ZFPM2: variants seen among roughly 807,000 people sequenced by gnomAD.
ZFPM2 encodes zinc finger protein ZFPM2.
Under a neutral mutation model 98.6 loss-of-function variants are expected in ZFPM2, and 20 were observed. The ratio of observed to expected loss-of-function variants is 0.20; its 90% CI spans 0.14 to 0.29. The LOEUF is 0.29. ZFPM2 is among the 10% of genes least tolerant of loss of function. ZFPM2 has a pLI of 1.00. For missense variants in ZFPM2, 1,310 were observed against 1,388.6 expected (o/e 0.94, Z 0.90); for synonymous variants, 518 against 502.7 (o/e 1.03, Z -0.41).
At chr8:105,655,180 G>GACTC (rs1817258283) in intron 5 of ZFPM2, among the ~76,000 whole-genome samples, 1 of 149,010 alleles carries the variant, frequency 6.7e-6, no homozygotes, top group South Asian at 2.1e-4. Flanking sequence ...TTATTTCATC[G>GACTC]ACTCACAATT....
intron 1 of ZFPM2, among the ~76,000 whole-genome samples, chr8:105,327,146 A>T (rs1812130110): frequency 6.6e-6 from 1 of 151,448 alleles, no homozygotes; most frequent in South Asian, 2.1e-4. Flanking sequence ...TTGAGAGAGA[A>T]AAAAAGATTT....
chr8:105,577,789 AGTG>A (rs1322064064), intron 4 of ZFPM2, among the ~76,000 whole-genome samples: 6 of 151,046 alleles, frequency 4.0e-5, no homozygotes, highest in African/African-American at 9.7e-5. Flanking sequence ...AAAAAAAAAA[AGTG>A]AGAAATGAAA....
At chr8:105,583,837 T>G (rs1263820508) in intron 4 of ZFPM2, among the ~76,000 whole-genome samples, 1 of 152,204 alleles carries the variant, frequency 6.6e-6, no homozygotes, top group Non-Finnish European at 1.5e-5. Flanking sequence ...TACTCTGAAC[T>G]GAACCTGTCA....
rs568126288 is a variant in ZFPM2, at chr8:105,651,773, TA to T, written c.532+17418del. Among the ~76,000 whole-genome samples, 50 of 152,288 alleles carry T rather than the reference TA, an allele frequency of 3.3e-4. No individual in the cohort carries two copies. In the East Asian group the frequency reaches 7.7e-3, roughly 24 times the overall value. ...ACCCACTGAATTTTGAATTATTATG[TA>T]ATGAGATTTATTATGCATCATTCAA... On this transcript the variant is annotated intron_variant, in intron 5 of 7. Transcript: ENST00000407775.
chr8:105,320,185 T>A (rs985472237), intron 1 of ZFPM2, among the ~76,000 whole-genome samples: 2 of 151,972 alleles, frequency 1.3e-5, no homozygotes, highest in African/African-American at 4.8e-5. Flanking sequence ...AAAATAAATC[T>A]TATCAATCAA....
intron 3 of ZFPM2, among the ~76,000 whole-genome samples, chr8:105,524,760 G>C (rs1814138572): frequency 6.6e-6 from 1 of 152,040 alleles, no homozygotes; most frequent in African/African-American, 2.4e-5. Flanking sequence ...GCCCTTATGT[G>C]GTTGCCTAGA....
chr8:105,637,470 T>TA (rs1348373943), intron 5 of ZFPM2, among the ~76,000 whole-genome samples: 2 of 152,106 alleles, frequency 1.3e-5, no homozygotes, highest in Non-Finnish European at 2.9e-5. Context: ...AATTATGCAG[T>TA]AAAAAACAAA....
intron 5 of ZFPM2, among the ~76,000 whole-genome samples, chr8:105,704,473 T>C (rs1811211983): frequency 6.6e-6 from 1 of 152,138 alleles, no homozygotes; most frequent in African/African-American, 2.4e-5. Flanking sequence ...TTAAGCTATA[T>C]CATGTTAATT....
chr8:105,588,899 C>T (rs1032148227), intron 4 of ZFPM2, among the ~76,000 whole-genome samples: 5 of 152,172 alleles, frequency 3.3e-5, no homozygotes, highest in East Asian at 1.9e-4. Context: ...GTACTCTCTC[C>T]TCATTGAGCT....
chr8:105,458,936 A>C (rs545692425), intron 3 of ZFPM2, among the ~76,000 whole-genome samples: 1 of 152,304 alleles, frequency 6.6e-6, no homozygotes, highest in Non-Finnish European at 1.5e-5. Context: ...ATATGATTAA[A>C]GCTACAGTTT....
chr8:105,453,000 A>T (rs957723223), intron 3 of ZFPM2, among the ~76,000 whole-genome samples: 1 of 152,208 alleles, frequency 6.6e-6, no homozygotes, highest in Non-Finnish European at 1.5e-5. Flanking sequence ...ATAAGTAAAG[A>T]TCAACACGAT....
chr8:105,753,239 T>C (rs1185043457), intron 5 of ZFPM2, among the ~76,000 whole-genome samples: 1 of 152,088 alleles, frequency 6.6e-6, no homozygotes, highest in Non-Finnish European at 1.5e-5. Context: ...CAGAGATCAG[T>C]AGCTTAAATT....
At chr8:105,724,462 T>C (rs1287122702) in intron 5 of ZFPM2, among the ~76,000 whole-genome samples, 2 of 151,826 alleles carry the variant, frequency 1.3e-5, no homozygotes, top group Non-Finnish European at 2.9e-5. Flanking sequence ...TTTATGGTAT[T>C]GCACTAAACA....
intron 3 of ZFPM2, among the ~76,000 whole-genome samples, chr8:105,459,962 G>A (rs1218480272): frequency 6.6e-6 from 1 of 152,084 alleles, no homozygotes; most frequent in South Asian, 2.1e-4. Context: ...CTCAACACTA[G>A]GGCCTTTGGG....
At chr8:105,331,379 A>G (rs1156827766) in intron 1 of ZFPM2, among the ~76,000 whole-genome samples, 1 of 151,480 alleles carries the variant, frequency 6.6e-6, no homozygotes, top group Non-Finnish European at 1.5e-5. Context: ...ATTCACTTTG[A>G]TGTTCTTTGA....
At chr8:105,681,661 A>G (rs1810604661) in intron 5 of ZFPM2, among the ~76,000 whole-genome samples, 1 of 152,132 alleles carries the variant, frequency 6.6e-6, no homozygotes, top group Middle Eastern at 3.2e-3. Context: ...GTATGTATTC[A>G]TGGTACACCA....
chr8:105,494,228 A>ATATATATATATATAT (rs1813416920), intron 3 of ZFPM2, among the ~76,000 whole-genome samples: 1 of 78,602 alleles, frequency 1.3e-5, no homozygotes, highest in Non-Finnish European at 2.6e-5. Flanking sequence ...TATATATATA[A>ATATATATATATATAT]TCTCAAACTC....
At chr8:105,547,700 C>G (rs1382114957) in intron 3 of ZFPM2, among the ~76,000 whole-genome samples, 1 of 151,810 alleles carries the variant, frequency 6.6e-6, no homozygotes, top group Non-Finnish European at 1.5e-5. Flanking sequence ...ACATTTATAC[C>G]TATCTTCTTT....
intron 3 of ZFPM2, among the ~76,000 whole-genome samples, chr8:105,557,652 T>C (rs537382312): frequency 1.5e-4 from 23 of 152,314 alleles, no homozygotes; most frequent in African/African-American, 5.1e-4. Flanking sequence ...TTTTGCTTTA[T>C]TCTTTGGCCT....
Sources: allele counts gnomAD v4.1 joint callset (sites outside exome capture counted in the v4.1 genomes callset), GRCh38; gene constraint gnomAD v4.1.1; transcripts MANE v1.5; gene names NCBI Gene and HGNC (gene_info 2026-07-23, HGNC 2026-07-21).